FARP1: variants seen among roughly 807,000 people sequenced by gnomAD.
FARP1 encodes FERM, ARH/RhoGEF and pleckstrin domain protein 1.
FARP1 carries 52 observed loss-of-function variants against 128.8 expected under a neutral mutation model. The ratio of observed to expected loss-of-function variants is 0.40; its 90% confidence interval spans 0.32 to 0.51. The LOEUF (loss-of-function observed/expected upper bound fraction) is 0.51. Ranked by LOEUF, FARP1 falls within the 20% of genes least tolerant of loss-of-function variation. The probability of loss-of-function intolerance (pLI) is 0.45; values close to 1 mark genes in which losing one functional copy is unlikely to be tolerated. For missense variants in FARP1, 1,333 were observed against 1,367.9 expected, an observed-to-expected ratio of 0.97 and a Z score of 0.40; for synonymous variants, 580 against 551.8, an observed-to-expected ratio of 1.05 and a Z score of -0.72.
At chr13:98,420,822 TA>T (rs1003059901) in intron 16 of FARP1, among the ~76,000 whole-genome samples, 38 of 152,360 alleles carry the variant, frequency 2.5e-4, no homozygotes, top group African/African-American at 8.7e-4. Context: ...AGTGACCTTT[TA>T]GCCGTTCATA....
chr13:98,444,836 C>T (rs1372068185), intron 24 of FARP1, among the ~76,000 whole-genome samples: 1 of 152,180 alleles, frequency 6.6e-6, no homozygotes, highest in African/African-American at 2.4e-5. Context: ...GTGTGCCACC[C>T]TCCTTGCTCC....
intron 2 of FARP1, among the ~76,000 whole-genome samples, chr13:98,215,513 A>C (rs542671287): frequency 1.3e-5 from 2 of 152,286 alleles, no homozygotes; most frequent in East Asian, 3.9e-4. Context: ...CTAATAATAA[A>C]CTCGACTTTA....
rs1340728793 is a variant in FARP1 at position 98,431,208 on chromosome 13, C to A, written c.2071C>A (p.His691Asn). The A allele has an allele frequency of 1.9e-6, 3 of 1,608,540 alleles. No homozygotes were observed. The highest frequency in any genetic ancestry group is 2.5e-6 in the Non-Finnish European group (3 of 1,177,598). The stretch of plus-strand genomic sequence containing the variant: ...CCTGCGGCCACTGCACCGGCTCATG[C>A]ACTACAAGCAGGTCCTGGAGCGGCT... ...FLLRPLHRLM[H>N]YKQVLERLCK... Residue 691 changes from histidine to asparagine, a missense_variant, in exon 18 of 27, where the codon CAC (histidine) becomes AAC (asparagine). By Grantham distance (68) the His-to-Asn change is moderately conservative. Transcript: ENST00000319562.
intron 3 of FARP1, among the ~76,000 whole-genome samples, chr13:98,358,932 C>G (rs118171874): frequency 6.6e-6 from 1 of 152,140 alleles, no homozygotes; most frequent in South Asian, 2.1e-4. Context: ...GCACCGCGCA[C>G]GGCTCTTTCT....
chr13:98,371,099 A>G (rs1889306642), intron 5 of FARP1, among the ~76,000 whole-genome samples: 1 of 151,986 alleles, frequency 6.6e-6, no homozygotes. Flanking sequence ...GGAGGAATGT[A>G]GTTGTGTTTG....
intron 2 of FARP1, among the ~76,000 whole-genome samples, chr13:98,224,560 A>G (rs1881640138): frequency 6.8e-6 from 1 of 147,400 alleles, no homozygotes; most frequent in Non-Finnish European, 1.5e-5. Flanking sequence ...AAAAAAAAGA[A>G]AACACAAAAC....
Position 98,449,093 on chromosome 13 carries a change from CGTG to C in FARP1, c.*780_*782del, listed in dbSNP as rs1893054353. 1 of 152,160 alleles carries C rather than the reference CGTG, an allele frequency of 6.6e-6. No homozygotes were observed. The highest frequency in any genetic ancestry group is 2.4e-5 in the African/African-American group (1 of 41,416). 9.4% of individuals were successfully genotyped at this position (152,160 alleles called of 1,614,324 possible). On this transcript the variant is annotated 3_prime_UTR_variant, in exon 27 of 27. Coordinates refer to ENST00000319562, the MANE Select transcript of FARP1 (RefSeq NM_005766.4). ...TGTACACAATGGGAAGATAATAAGC[CGTG>C]GTGTTTTGCTGTCTGTCTGTGTCAC...
chr13:98,286,065 A>ATTC (rs1885152069), intron 2 of FARP1, among the ~76,000 whole-genome samples: 2 of 151,954 alleles, frequency 1.3e-5, no homozygotes, highest in Admixed American at 1.3e-4. Flanking sequence ...CACTGCTCAT[A>ATTC]ATACCTTATT....
At chr13:98,218,927 C>T (rs1473123071) in intron 2 of FARP1, among the ~76,000 whole-genome samples, 10 of 152,190 alleles carry the variant, frequency 6.6e-5, no homozygotes, top group East Asian at 3.8e-4. Context: ...TAAAAGACCA[C>T]GTAGGTTCTT....
chr13:98,390,213 G>A, intron 10 of FARP1, 93 bp downstream of exon 10: 1 of 1,375,660 alleles, frequency 7.3e-7, no homozygotes, highest in Non-Finnish European at 9.9e-7. Flanking sequence ...TCAGGGAGGT[G>A]AACGCTCATT....
Position 98,161,744 on chromosome 13 carries a change from T to C in FARP1, c.-24+18252T>C, listed in dbSNP as rs189413518. On this transcript the variant is annotated intron_variant, in intron 1 of 26. Transcript: ENST00000319562. ...TTGTCTCTCTTTTTCTCTCTTTCTT[T>C]CCTTCCCTCCCTCCCTCCATCGTTC... 2.6e-3 allele frequency among the ~76,000 whole-genome samples: 399 copies of C among 152,202 alleles called. 3 individuals are homozygous for C. The highest frequency in any genetic ancestry group is 8.8e-3 in the African/African-American group (365 of 41,518).
intron 2 of FARP1, among the ~76,000 whole-genome samples, chr13:98,318,947 CTTG>C (rs1886864927): frequency 8.7e-6 from 1 of 114,388 alleles, no homozygotes; most frequent in Non-Finnish European, 1.9e-5. Context: ...TTAGTTTTTT[CTTG>C]TTTTTTTTTT....
intron 1 of FARP1, among the ~76,000 whole-genome samples, chr13:98,174,905 C>T (rs1877892462): frequency 6.6e-6 from 1 of 152,124 alleles, no homozygotes; most frequent in African/African-American, 2.4e-5. Flanking sequence ...GACTTGAATC[C>T]TATCTCGCTC....
At chr13:98,350,452 A>G (rs1888369408) in intron 3 of FARP1, among the ~76,000 whole-genome samples, 1 of 152,134 alleles carries the variant, frequency 6.6e-6, no homozygotes. Context: ...TTCGTGTGGC[A>G]TGTGTGTCCT....
At chr13:98,322,924 C>G (rs1317497903) in intron 2 of FARP1, among the ~76,000 whole-genome samples, 1 of 152,080 alleles carries the variant, frequency 6.6e-6, no homozygotes, top group Non-Finnish European at 1.5e-5. Context: ...AGCTATTTGT[C>G]ATGGGAGAGG....
rs1342129744 is a variant in FARP1, at chr13:98,330,166, G to A, written c.172-13596G>A. 5.9e-5 allele frequency among the ~76,000 whole-genome samples: 9 copies of A among 152,250 alleles called. No homozygotes were observed. The East Asian group carries it at 1.7e-3, about 29-fold the overall frequency. On this transcript the variant is annotated intron_variant, in intron 2 of 26. Transcript: ENST00000319562. Reference sequence around the variant, plus strand: ...TGTGTGCCTCGTGTGCTAGAGAACAGCTGGCCTGGCTGGAGAGGAGTGAGC... The same window carrying A: ...TGTGTGCCTCGTGTGCTAGAGAACAACTGGCCTGGCTGGAGAGGAGTGAGC...
chr13:98,164,801 C>T (rs879487809), intron 1 of FARP1, among the ~76,000 whole-genome samples: 20 of 152,190 alleles, frequency 1.3e-4, no homozygotes, highest in South Asian at 8.3e-4. Flanking sequence ...CCAAGTGGGT[C>T]GGCCGCAGTG....
Position 98,216,755 on chromosome 13 carries a change from C to T in FARP1, c.171+3342C>T, listed in dbSNP as rs534847270. ...TGGGAGGCTTTGGCAGTTAGCTCCACGATCTTTTCCATTCTGTAGCTGTTT... is the reference window on the plus strand; with the variant it reads ...TGGGAGGCTTTGGCAGTTAGCTCCATGATCTTTTCCATTCTGTAGCTGTTT... On this transcript the variant is annotated intron_variant, in intron 2 of 26. Transcript: ENST00000319562. 5.3e-5 allele frequency among the ~76,000 whole-genome samples: 8 copies of T among 152,292 alleles called. No individual in the cohort carries two copies. The East Asian group carries it at 7.7e-4, about 15-fold the overall frequency.
At chr13:98,323,887 T>A (rs1198672044) in intron 2 of FARP1, among the ~76,000 whole-genome samples, 1 of 152,226 alleles carries the variant, frequency 6.6e-6, no homozygotes, top group African/African-American at 2.4e-5. Context: ...ACAATTTTTT[T>A]AAAGCCTATA....
Sources: gnomAD v4.1 joint callset for allele counts (sites outside exome capture counted in the v4.1 genomes callset) on GRCh38, gnomAD v4.1.1 for gene constraint, MANE v1.5 for transcripts, NCBI Gene and HGNC (gene_info 2026-07-23, HGNC 2026-07-21) for gene names.